The following CSMD1 variants were observed in gnomAD, a reference collection of about 807,000 sequenced individuals.
CSMD1 encodes CUB and sushi domain-containing protein 1.
In CSMD1, 213 loss-of-function variants were observed where a neutral mutation model predicts 417.5. The observed-to-expected ratio is 0.51, with a 90% CI of 0.46 to 0.57. CSMD1 has a LOEUF of 0.57. Ranked by LOEUF, CSMD1 falls within the 20% of genes least tolerant of loss-of-function variation. The pLI is 0.00. For synonymous variants in CSMD1, 2,862 were observed against 1,736.8 expected, an observed-to-expected ratio of 1.65 and a Z score of -16.11; for missense variants, 6,923 against 4,529.7, an observed-to-expected ratio of 1.53 and a Z score of -15.17.
chr8:4,739,107 T>G (rs1189174173), intron 1 of CSMD1, among the ~76,000 whole-genome samples: 2 of 151,972 alleles, frequency 1.3e-5, no homozygotes, highest in Non-Finnish European at 2.9e-5. Context: ...CATACACACG[T>G]GCACACACAC....
At chr8:3,185,799 A>T (rs2129049310) in intron 36 of CSMD1, among the ~76,000 whole-genome samples, 1 of 152,344 alleles carries the variant, frequency 6.6e-6, no homozygotes. Flanking sequence ...TGTGCATGAC[A>T]CTCAGAGATT....
intron 3 of CSMD1, among the ~76,000 whole-genome samples, chr8:4,168,562 C>G (rs757340040): frequency 1.3e-5 from 2 of 151,924 alleles, no homozygotes; most frequent in African/African-American, 2.4e-5. Flanking sequence ...AGATGAGAAG[C>G]AGAAGGACAA....
chr8:2,949,857 T>C (rs1297593397), intron 67 of CSMD1, among the ~76,000 whole-genome samples: 2 of 152,126 alleles, frequency 1.3e-5, no homozygotes, highest in African/African-American at 2.4e-5. Context: ...AATCTTTCTA[T>C]TTATCTGGGA....
In CSMD1 at chr8:4,750,259, G is replaced by A. The variant is rs528118795; in HGVS notation, c.86-112701C>T. Among the ~76,000 whole-genome samples the A allele has an allele frequency of 4.0e-5, 6 of 151,736 alleles. No individual in the cohort carries two copies. In the South Asian group the frequency reaches 6.2e-4, roughly 16 times the overall value. ...CCCGACATTGTGATCCGCCCGCCTC[G>A]GCCTCCCACAGTGCTGGGATTACAG... On this transcript the variant is annotated intron_variant, in intron 1 of 69. Transcript: ENST00000635120.
At chr8:3,240,032 T>G (rs1368433130) in intron 26 of CSMD1, among the ~76,000 whole-genome samples, 1 of 151,572 alleles carries the variant, frequency 6.6e-6, no homozygotes, top group East Asian at 1.9e-4. Flanking sequence ...CTGTAGAGAG[T>G]GAGTTGAGCA....
In CSMD1 at chr8:4,326,362, G is replaced by A. The variant is rs185515845; in HGVS notation, c.415+93591C>T. Among the ~76,000 whole-genome samples, 14 of 152,236 alleles carry A rather than the reference G, an allele frequency of 9.2e-5. No individual in the cohort carries two copies. In the East Asian group the frequency reaches 2.7e-3, roughly 29 times the overall value. On this transcript the variant is annotated intron_variant, in intron 3 of 69. Transcript: ENST00000635120. The stretch of plus-strand genomic sequence containing the variant: ...TTCAGACATGGGGCAACCTGACGAC[G>A]ATCACCAATGTGGCGAGAGGCACTC...
At chr8:4,668,035 C>G (rs1336669702) in intron 1 of CSMD1, among the ~76,000 whole-genome samples, 1 of 152,088 alleles carries the variant, frequency 6.6e-6, no homozygotes, top group East Asian at 1.9e-4. Context: ...CATGAAATAC[C>G]TCATCTCTTA....
chr8:4,677,676 A>G (rs993842739), intron 1 of CSMD1, among the ~76,000 whole-genome samples: 3 of 152,160 alleles, frequency 2.0e-5, no homozygotes, highest in African/African-American at 7.2e-5. Context: ...TGTGAATTTC[A>G]TGAGTTCTAC....
chr8:4,844,985 C>G (rs906244066), intron 1 of CSMD1, among the ~76,000 whole-genome samples: 3 of 152,160 alleles, frequency 2.0e-5, no homozygotes, highest in African/African-American at 2.4e-5. Flanking sequence ...AGACCTATAG[C>G]ATTTTAAAAA....
intron 23 of CSMD1, among the ~76,000 whole-genome samples, chr8:3,331,346 G>A (rs1282908193): frequency 6.6e-6 from 1 of 152,182 alleles, no homozygotes; most frequent in East Asian, 1.9e-4. Flanking sequence ...CAGAGGCACT[G>A]ATCAAAATCC....
intron 23 of CSMD1, among the ~76,000 whole-genome samples, chr8:3,326,757 G>A (rs1183553547): frequency 6.6e-6 from 1 of 152,120 alleles, no homozygotes; most frequent in African/African-American, 2.4e-5. Flanking sequence ...CATCTATTGT[G>A]ATATTTCCAC....
intron 5 of CSMD1, among the ~76,000 whole-genome samples, chr8:3,884,401 T>C (rs757908922): frequency 6.6e-6 from 1 of 152,004 alleles, no homozygotes; most frequent in Non-Finnish European, 1.5e-5. Flanking sequence ...TGGCATCTTC[T>C]AGCACAAATC....
chr8:3,499,996 C>A (rs6558785), intron 10 of CSMD1, among the ~76,000 whole-genome samples: 103,594 of 151,822 alleles, frequency 0.68, 35,525 homozygotes, highest in Middle Eastern at 0.74. Context: ...GCCTATGAGG[C>A]CTGTGGGGGC....
chr8:4,091,108 GGGGTTTCACCATTTT>G (rs764652757), intron 3 of CSMD1, among the ~76,000 whole-genome samples: 6 of 151,824 alleles, frequency 4.0e-5, no homozygotes, highest in Non-Finnish European at 5.9e-5. Flanking sequence ...TAGTAGAGAT[GGGGTTTCACCATTTT>G]GGCCAGGCTG....
chr8:4,258,937 T>G (rs890319940), intron 3 of CSMD1, among the ~76,000 whole-genome samples: 1 of 152,178 alleles, frequency 6.6e-6, no homozygotes, highest in African/African-American at 2.4e-5. Flanking sequence ...GACAAACTTA[T>G]TTCATCGACT....
chr8:4,651,259 C>T (rs569748192), intron 1 of CSMD1, among the ~76,000 whole-genome samples: 1 of 152,008 alleles, frequency 6.6e-6, no homozygotes, highest in African/African-American at 2.4e-5. Flanking sequence ...TTTTATAAAT[C>T]ATAAAAAGCA....
chr8:3,565,131 C>CCA (rs1799643136), intron 10 of CSMD1, among the ~76,000 whole-genome samples: 2 of 10,448 alleles, frequency 1.9e-4, no homozygotes, highest in Non-Finnish European at 3.7e-4. Context: ...TGCAAGACAG[C>CCA]AAAAAAAAAA....
chr8:3,733,349 T>TA (rs1563322062), intron 6 of CSMD1, among the ~76,000 whole-genome samples: 1 of 147,742 alleles, frequency 6.8e-6, no homozygotes, highest in African/African-American at 2.5e-5. Context: ...GACATATATA[T>TA]TATATATATA....
chr8:4,030,056 G>C (rs1023209813), intron 4 of CSMD1, among the ~76,000 whole-genome samples: 5 of 152,218 alleles, frequency 3.3e-5, no homozygotes, highest in Admixed American at 3.3e-4. Context: ...GTACCCCTGT[G>C]ACTTTGAAGA....
Sources: gnomAD v4.1 joint callset for allele counts (sites outside exome capture counted in the v4.1 genomes callset) on GRCh38, gnomAD v4.1.1 for gene constraint, MANE v1.5 for transcripts, NCBI Gene and HGNC (gene_info 2026-07-23, HGNC 2026-07-21) for gene names.